Variants in NT5DC3 observed in about 807,000 individuals in gnomAD.
NT5DC3 encodes the protein 5'-nucleotidase domain-containing protein 3.
Under a neutral mutation model 67.8 loss-of-function variants are expected in NT5DC3, and 42 were observed. The ratio of observed to expected loss-of-function variants is 0.62; its 90% confidence interval spans 0.48 to 0.80. NT5DC3 has a LOEUF of 0.80. NT5DC3 is among the 30% of genes least tolerant of loss of function. The pLI, the probability that NT5DC3 is intolerant of heterozygous loss-of-function variation, is 0.00. For synonymous variants in NT5DC3, 237 were observed against 255.6 expected, an observed-to-expected ratio of 0.93 and a Z score of 0.69; for missense variants, 570 against 696.4, an observed-to-expected ratio of 0.82 and a Z score of 2.04.
At chr12:103,788,957 G>T in intron 9 of NT5DC3, 38 bp from the exon 10 acceptor site, 1 of 1,299,344 alleles carries the variant, frequency 7.7e-7, no homozygotes, top group Non-Finnish European at 1.1e-6. Flanking sequence ...ACATGGAGTA[G>T]TACAGGCTGT....
chr12:103,793,641 G>T (rs12426059), intron 7 of NT5DC3, 129 bp from the exon 8 acceptor site: 37,579 of 677,960 alleles, frequency 0.055, 1,400 homozygotes, highest in Admixed American at 0.13. Flanking sequence ...CCCTAAGGAA[G>T]AAGCTTTGTC....
chr12:103,780,738 G>A (rs938648042), intron 12 of NT5DC3, among the ~76,000 whole-genome samples: 4 of 152,068 alleles, frequency 2.6e-5, no homozygotes, highest in Admixed American at 1.3e-4. Flanking sequence ...TTATATACAT[G>A]TGTACAAACT....
chr12:103,809,778 G>C lies in NT5DC3; in HGVS notation c.394-2849C>G, dbSNP rs143833880. ...CTACAATTCAAGATGAGATTTGGGT[G>C]GGGACACAGCCAAACCATATCAATG... On this transcript the variant is annotated intron_variant, in intron 2 of 13. Coordinates refer to ENST00000392876, the MANE Select transcript of NT5DC3 (RefSeq NM_001031701.3). Among the ~76,000 whole-genome samples the C allele has an allele frequency of 5.4e-4, 82 of 152,246 alleles. 1 individual carries two copies. The highest frequency in any genetic ancestry group is 1.7e-3 in the African/African-American group (71 of 41,540).
At chr12:103,813,754 G>A (rs538783535) in intron 2 of NT5DC3, among the ~76,000 whole-genome samples, 2 of 152,276 alleles carry the variant, frequency 1.3e-5, no homozygotes, top group African/African-American at 4.8e-5. Context: ...AAGAAAAGAG[G>A]ACAAATGAGA....
chr12:103,793,140 T>C (rs1385906087), intron 9 of NT5DC3, 24 bp downstream of exon 9: 2 of 1,472,700 alleles, frequency 1.4e-6, no homozygotes, highest in Non-Finnish European at 1.9e-6. Context: ...TAAAATCTAG[T>C]CCCCTAGAAA....
rs758795692 is a variant in NT5DC3 at position 103,782,641 on chromosome 12, C to G, written c.1330-2277G>C. Among the ~76,000 whole-genome samples the G allele has an allele frequency of 2.6e-5, 4 of 152,290 alleles. No individual in the cohort carries two copies. In the East Asian group the frequency reaches 7.7e-4, roughly 29 times the overall value. On this transcript the variant is annotated intron_variant, in intron 12 of 13. Transcript: ENST00000392876. ...TGGTTGGTTACCTGAGAAGCGGCTA[C>G]CAATGCCAGCACCACCACCATGAAC...
chr12:103,785,305 A>C, intron 12 of NT5DC3, 30 bp downstream of exon 12: 1 of 1,610,306 alleles, frequency 6.2e-7, no homozygotes, highest in Non-Finnish European at 8.5e-7. Context: ...CTTAAAGAAA[A>C]AGTGAGAGAG....
At chr12:103,791,892 C>T (rs920780974) in intron 9 of NT5DC3, among the ~76,000 whole-genome samples, 1 of 152,224 alleles carries the variant, frequency 6.6e-6, no homozygotes, top group African/African-American at 2.4e-5. Flanking sequence ...CAGTTTCATC[C>T]TGACACCATC....
At chr12:103,837,572 C>G (rs567237714) in intron 1 of NT5DC3, among the ~76,000 whole-genome samples, 13 of 152,222 alleles carry the variant, frequency 8.5e-5, no homozygotes, top group African/African-American at 2.4e-5. Context: ...TTAGAAATTT[C>G]TTCCACCAGA....
chr12:103,825,181 G>A (rs895121906), intron 1 of NT5DC3, among the ~76,000 whole-genome samples: 1 of 152,140 alleles, frequency 6.6e-6, no homozygotes, highest in African/African-American at 2.4e-5. Flanking sequence ...CGTCTCCGAG[G>A]AGAAGCAATC....
the NT5DC3 span, among the ~76,000 whole-genome samples, chr12:103,757,739 CA>C: frequency 6.0e-4 from 92 of 152,326 alleles, 2 homozygotes; most frequent in South Asian, 0.011. Flanking sequence ...AGGGAGGCCC[CA>C]TATGGCTGGA....
Position 103,826,329 on chromosome 12 carries a change from A to C in NT5DC3, c.209-11208T>G, listed in dbSNP as rs116798798. Among the ~76,000 whole-genome samples the C allele has an allele frequency of 9.1e-3, 1,392 of 152,330 alleles. 21 individuals are homozygous for C. Among genetic ancestry groups the C allele is most frequent in the African/African-American group, 0.032 (1,328 of 41,572 alleles). On this transcript the variant is annotated intron_variant, in intron 1 of 13. Transcript: ENST00000392876. The stretch of plus-strand genomic sequence containing the variant: ...AAGGGAGAATTAAGGTTGCAGATGG[A>C]TTAAGATTGGTATCAGCTGACTTTC...
At position 103,816,599 on chromosome 12, in the gene NT5DC3, T is replaced by C. The variant is rs564220833; in HGVS notation, c.209-1478A>G. Among the ~76,000 whole-genome samples, 278 of 152,330 alleles carry C rather than the reference T, an allele frequency of 1.8e-3. 3 individuals are homozygous for C. The highest frequency in any genetic ancestry group is 6.3e-3 in the African/African-American group (263 of 41,572). On this transcript the variant is annotated intron_variant, in intron 1 of 13. Transcript: ENST00000392876. ...GTAAGGACTGCTACTTCATGATTTCTATTTTTTTCTTGGAAGCCTTTCAAA... is the reference window on the plus strand; with the variant it reads ...GTAAGGACTGCTACTTCATGATTTCCATTTTTTTCTTGGAAGCCTTTCAAA...
chr12:103,749,120 G>C, the NT5DC3 span: 1 of 1,610,126 alleles, frequency 6.2e-7, no homozygotes, highest in Non-Finnish European at 8.5e-7. Context: ...TTAACGGAGG[G>C]TGTCACGAGC....
chr12:103,785,697 G>GT (rs1485107395), intron 11 of NT5DC3: 1 of 620,046 alleles, frequency 1.6e-6, no homozygotes, highest in East Asian at 3.3e-5. Flanking sequence ...AATAATTGCC[G>GT]TGAGTCACAA....
At chr12:103,827,499 CTAG>C (rs1445881016) in intron 1 of NT5DC3, among the ~76,000 whole-genome samples, 1 of 152,120 alleles carries the variant, frequency 6.6e-6, no homozygotes, top group Non-Finnish European at 1.5e-5. Flanking sequence ...TTAATATTCA[CTAG>C]TAGTGTTTCT....
At chr12:103,753,434 T>C in the NT5DC3 span, 1 of 1,589,680 alleles carries the variant, frequency 6.3e-7, no homozygotes, top group African/African-American at 1.3e-5. Flanking sequence ...TGGGGAAGAC[T>C]TGAGCTGTTG....
At chr12:103,806,264 G>C in intron 4 of NT5DC3, 58 bp downstream of exon 4, 2 of 1,121,604 alleles carry the variant, frequency 1.8e-6, no homozygotes. Flanking sequence ...AGAGGGTCCT[G>C]AAACCCAAAG....
intron 12 of NT5DC3, among the ~76,000 whole-genome samples, chr12:103,781,432 G>A (rs1384970860): frequency 2.6e-5 from 4 of 152,216 alleles, no homozygotes; most frequent in Non-Finnish European, 4.4e-5. Context: ...TGAGCTCTGC[G>A]CCTTCACTCG....
Sources: gnomAD v4.1 joint callset for allele counts (sites outside exome capture counted in the v4.1 genomes callset) on GRCh38, gnomAD v4.1.1 for gene constraint, MANE v1.5 for transcripts, NCBI Gene and HGNC (gene_info 2026-07-23, HGNC 2026-07-21) for gene names.